The following ZBTB16 variants were observed in gnomAD, a reference collection of about 807,000 sequenced individuals.
The protein encoded by ZBTB16 is zinc finger and BTB domain-containing protein 16.
A neutral mutation model predicts 56.8 loss-of-function variants in ZBTB16; 8 were observed. That is an observed-to-expected ratio of 0.14 (90% CI 0.08 to 0.25). ZBTB16 has a LOEUF of 0.25. Among genes scored for constraint, ZBTB16 ranks in the 10% least tolerant of loss-of-function variants. The pLI is 1.00. For missense variants in ZBTB16, 625 were observed against 903.0 expected, an observed-to-expected ratio of 0.69 and a Z score of 3.95; for synonymous variants, 363 against 368.5, an observed-to-expected ratio of 0.98 and a Z score of 0.17.
chr11:114,168,055 C>T (rs936032233), intron 3 of ZBTB16, among the ~76,000 whole-genome samples: 7 of 152,220 alleles, frequency 4.6e-5, no homozygotes, highest in Non-Finnish European at 1.0e-4. Flanking sequence ...TTCTTTGTTA[C>T]ATAGCTATTT....
chr11:114,247,626 G>A (rs543003398), intron 6 of ZBTB16, among the ~76,000 whole-genome samples: 101 of 152,288 alleles, frequency 6.6e-4, no homozygotes, highest in Non-Finnish European at 1.2e-3. Context: ...CAGCCCTCCA[G>A]GCAGCTATAC....
At chr11:114,145,849 A>C (rs926814561) in intron 2 of ZBTB16, among the ~76,000 whole-genome samples, 3 of 152,228 alleles carry the variant, frequency 2.0e-5, no homozygotes, top group African/African-American at 4.8e-5. Flanking sequence ...TACTTACTCT[A>C]TACAGCACAC....
chr11:114,115,152 C>T (rs967199774), intron 2 of ZBTB16, among the ~76,000 whole-genome samples: 6 of 152,114 alleles, frequency 3.9e-5, no homozygotes, highest in African/African-American at 1.4e-4. Flanking sequence ...CTACCCTCGC[C>T]TGAGACACTG....
At chr11:114,155,745 T>C (rs1942393628) in intron 2 of ZBTB16, among the ~76,000 whole-genome samples, 1 of 152,180 alleles carries the variant, frequency 6.6e-6, no homozygotes, top group Non-Finnish European at 1.5e-5. Context: ...GGTGTGCATG[T>C]TGGGGTGGGT....
intron 3 of ZBTB16, among the ~76,000 whole-genome samples, chr11:114,186,332 G>A (rs945313882): frequency 6.6e-6 from 1 of 152,202 alleles, no homozygotes; most frequent in African/African-American, 2.4e-5. Flanking sequence ...AGAAAAGAGA[G>A]CAAGAGTGAG....
intron 2 of ZBTB16, among the ~76,000 whole-genome samples, chr11:114,148,445 C>CTTTCTTTCTTTCTTTCTTTCTTTCTT (rs1555143959): frequency 1.8e-5 from 1 of 56,876 alleles, no homozygotes; most frequent in Admixed American, 2.1e-4. Context: ...CTTTCTCTCT[C>CTTTCTTTCTTTCTTTCTTTCTTTCTT]TCTGTCTGTC....
chr11:114,200,317 A>G (rs2135101247), intron 4 of ZBTB16, among the ~76,000 whole-genome samples: 1 of 152,280 alleles, frequency 6.6e-6, no homozygotes, highest in East Asian at 1.9e-4. Context: ...GTAACAGTGT[A>G]TTAAATACCT....
At chr11:114,106,428 A>G (rs1407167224) in intron 2 of ZBTB16, among the ~76,000 whole-genome samples, 1 of 151,992 alleles carries the variant, frequency 6.6e-6, no homozygotes, top group Non-Finnish European at 1.5e-5. Flanking sequence ...GAATAATTTC[A>G]TTAGAAGAAA....
intron 3 of ZBTB16, among the ~76,000 whole-genome samples, chr11:114,181,947 G>A (rs1366713180): frequency 6.6e-6 from 1 of 152,158 alleles, no homozygotes; most frequent in African/African-American, 2.4e-5. Context: ...TGGTGGCCTT[G>A]CTCTATGCAG....
intron 4 of ZBTB16, among the ~76,000 whole-genome samples, chr11:114,235,858 T>C (rs1470033455): frequency 6.6e-6 from 1 of 151,180 alleles, no homozygotes; most frequent in Non-Finnish European, 1.5e-5. Flanking sequence ...ACATGCCCTG[T>C]AGTCAAAACT....
At chr11:114,244,633 T>C (rs76755181) in intron 5 of ZBTB16, among the ~76,000 whole-genome samples, 6,518 of 149,944 alleles carry the variant, frequency 0.043, 197 homozygotes, top group Non-Finnish European at 0.062. Context: ...TTTTCTTTCT[T>C]TTTTTTTTGT....
chr11:114,187,927 A>T, intron 4 of ZBTB16: 1 of 161,098 alleles, frequency 6.2e-6, no homozygotes, highest in Non-Finnish European at 1.3e-5. Context: ...CATGCTCCTT[A>T]TGAGAATCTA....
chr11:114,239,338 C>CCTA (rs1944655499), intron 4 of ZBTB16, among the ~76,000 whole-genome samples: 1 of 152,124 alleles, frequency 6.6e-6, no homozygotes, highest in Non-Finnish European at 1.5e-5. Context: ...GCCTCCAAAG[C>CCTA]CTACTCAACC....
At chr11:114,220,720 C>T (rs989973852) in intron 4 of ZBTB16, among the ~76,000 whole-genome samples, 6 of 152,120 alleles carry the variant, frequency 3.9e-5, no homozygotes, top group Non-Finnish European at 8.8e-5. Context: ...CAGTCACGGC[C>T]CCCGTTAATT....
intron 2 of ZBTB16, among the ~76,000 whole-genome samples, chr11:114,082,925 C>T (rs986053820): frequency 1.3e-5 from 2 of 152,206 alleles, no homozygotes; most frequent in Admixed American, 6.5e-5. Context: ...GGGCCAGTCT[C>T]GGCTGTGGTC....
At chr11:114,117,376 G>A (rs754694613) in intron 2 of ZBTB16, among the ~76,000 whole-genome samples, 12 of 152,014 alleles carry the variant, frequency 7.9e-5, no homozygotes, top group Non-Finnish European at 1.5e-4. Flanking sequence ...GGAGCACCCC[G>A]AGCACAGCAT....
At chr11:114,240,831 C>T (rs993110402) in intron 4 of ZBTB16, among the ~76,000 whole-genome samples, 3 of 152,196 alleles carry the variant, frequency 2.0e-5, no homozygotes, top group African/African-American at 7.2e-5. Flanking sequence ...ATGAAAATCT[C>T]ACATCACTCG....
At chr11:114,186,537 A>G (rs112714412) in intron 3 of ZBTB16, among the ~76,000 whole-genome samples, 4 of 152,302 alleles carry the variant, frequency 2.6e-5, no homozygotes, top group African/African-American at 9.6e-5. Context: ...ATGGACATCC[A>G]GGTTGAGGTA....
At chr11:114,095,245 C>CTTTTTTTTTT (rs745895999) in intron 2 of ZBTB16, among the ~76,000 whole-genome samples, 23 of 90,476 alleles carry the variant, frequency 2.5e-4, no homozygotes, top group African/African-American at 1.1e-3. Context: ...CTTTTCTTTT[C>CTTTTTTTTTT]TTTTTTTTTT....
Sources: gnomAD v4.1 joint callset for allele counts (sites outside exome capture counted in the v4.1 genomes callset) on GRCh38, gnomAD v4.1.1 for gene constraint, MANE v1.5 for transcripts, NCBI Gene and HGNC (gene_info 2026-07-23, HGNC 2026-07-21) for gene names.